SUFU: variants seen among roughly 807,000 people sequenced by gnomAD.
SUFU encodes the protein SUFU negative regulator of hedgehog signaling.
Under a neutral mutation model 58.9 loss-of-function variants are expected in SUFU, and 7 were observed. That is an observed-to-expected ratio of 0.12 (90% CI 0.07 to 0.22). SUFU has a LOEUF of 0.22. Among genes scored for constraint, SUFU ranks in the 10% least tolerant of loss-of-function variants. SUFU has a pLI of 1.00. For synonymous variants in SUFU, 232 were observed against 254.8 expected, an observed-to-expected ratio of 0.91 and a Z score of 0.85; for missense variants, 451 against 641.3, an observed-to-expected ratio of 0.70 and a Z score of 3.20.
chr10:102,558,925 C>T (rs1214042627), intron 3 of SUFU, among the ~76,000 whole-genome samples: 2 of 152,194 alleles, frequency 1.3e-5, no homozygotes, highest in Non-Finnish European at 2.9e-5. Flanking sequence ...AGTGGCCTAA[C>T]AATAAGGGCA....
chr10:102,538,795 A>G (rs1332416412), intron 2 of SUFU, among the ~76,000 whole-genome samples: 2 of 152,174 alleles, frequency 1.3e-5, no homozygotes, highest in Non-Finnish European at 2.9e-5. Context: ...ATAAGAAGAG[A>G]AGTAAACTCT....
At chr10:102,585,379 C>G (rs2063325971) in intron 3 of SUFU, among the ~76,000 whole-genome samples, 1 of 152,102 alleles carries the variant, frequency 6.6e-6, no homozygotes, top group Non-Finnish European at 1.5e-5. Flanking sequence ...CTTTAAGGTT[C>G]ATGTTATAGT....
chr10:102,568,874 CAAAAAAAAAAAA>C (rs59877393), intron 3 of SUFU, among the ~76,000 whole-genome samples: 2 of 14,542 alleles, frequency 1.4e-4, no homozygotes, highest in South Asian at 6.3e-3. Context: ...AACTCTGTCT[CAAAAAAAAAAAA>C]AAAAAAAAAA....
At chr10:102,527,496 A>AAGAT (rs1554843736) in intron 2 of SUFU, among the ~76,000 whole-genome samples, 1 of 92,088 alleles carries the variant, frequency 1.1e-5, no homozygotes, top group Non-Finnish European at 2.5e-5. Flanking sequence ...AAATACCATT[A>AAGAT]AGATATATAT....
chr10:102,535,748 A>G (rs1338702649), intron 2 of SUFU, among the ~76,000 whole-genome samples: 1 of 152,086 alleles, frequency 6.6e-6, no homozygotes, highest in Non-Finnish European at 1.5e-5. Flanking sequence ...TCAAAGACCA[A>G]TGGAAGCATC....
chr10:102,598,867 CTT>C (rs1177284273), intron 7 of SUFU, among the ~76,000 whole-genome samples: 1 of 152,216 alleles, frequency 6.6e-6, no homozygotes, highest in African/African-American at 2.4e-5. Context: ...CAAGGGAACT[CTT>C]TCACTTCCTG....
chr10:102,539,252 G>T (rs962622852), intron 2 of SUFU, among the ~76,000 whole-genome samples: 1 of 152,162 alleles, frequency 6.6e-6, no homozygotes, highest in Non-Finnish European at 1.5e-5. Flanking sequence ...AAGAGTACAG[G>T]TCAGTTATTT....
At chr10:102,503,172 C>G (rs991535386), upstream of SUFU, among the ~76,000 whole-genome samples, 1 of 152,170 alleles carries the variant, frequency 6.6e-6, no homozygotes, top group Non-Finnish European at 1.5e-5. Context: ...CACACTCTAA[C>G]AAAAAGGAAA....
intron 2 of SUFU, among the ~76,000 whole-genome samples, chr10:102,539,039 C>A (rs536498132): frequency 2.6e-5 from 4 of 152,300 alleles, no homozygotes; most frequent in Middle Eastern, 3.4e-3. Flanking sequence ...ACTTCAGGAT[C>A]GGTTGACCAA....
At position 102,630,445 on chromosome 10, in the gene SUFU, A is replaced by G; in HGVS notation, c.*290A>G. The G allele has an allele frequency of 2.0e-6, 1 of 495,080 alleles. No homozygotes were observed. Among genetic ancestry groups the G allele is most frequent in the South Asian group, 2.0e-5 (1 of 49,334 alleles). The allele number at this position is 495,080 out of a possible 1,614,324, so 30.7% of individuals were successfully genotyped here. A position where few individuals can be genotyped will look rare whatever the true frequency, so the allele number is the denominator to read the frequency against. On this transcript the variant is annotated 3_prime_UTR_variant, in exon 12 of 12. Transcript: ENST00000369902. ...TGCAGCCTGCACAGATTCTGGTTTG[A>G]GGTTTGACTCTGGACCCTGGCTGTG...
intron 3 of SUFU, among the ~76,000 whole-genome samples, chr10:102,552,792 T>C (rs563362512): frequency 1.4e-4 from 22 of 152,294 alleles, no homozygotes; most frequent in African/African-American, 5.3e-4. Context: ...AACTTAATTG[T>C]CAAAAAATAA....
At position 102,625,476 on chromosome 10, in the gene SUFU, C is replaced by T. The variant is rs76903844; in HGVS notation, c.1297-1699C>T. Among the ~76,000 whole-genome samples, 12 of 152,238 alleles carry T rather than the reference C, an allele frequency of 7.9e-5. No homozygotes were observed. The East Asian group carries it at 2.3e-3, about 29-fold the overall frequency. ...TCTCCTTGCCAGCCAAAAGAGGGTG[C>T]TTGTCCTGGTGGGAAATGAGCTGCC... On this transcript the variant is annotated intron_variant, in intron 10 of 11. Transcript: ENST00000369902. The surrounding 1 kb of genome is among the most constrained non-coding windows in gnomAD (Gnocchi z 4.7).
At chr10:102,552,043 T>C (rs748650374) in intron 3 of SUFU, among the ~76,000 whole-genome samples, 4 of 152,092 alleles carry the variant, frequency 2.6e-5, no homozygotes, top group Non-Finnish European at 5.9e-5. Context: ...TACCTTCTTA[T>C]GTGTTGCAGT....
At chr10:102,616,175 G>T (rs1336465735) in intron 9 of SUFU, among the ~76,000 whole-genome samples, 1 of 152,192 alleles carries the variant, frequency 6.6e-6, no homozygotes, top group Admixed American at 6.5e-5. Context: ...TGTCCCTTCT[G>T]CTTCTGTCCA....
At chr10:102,607,831 A>ATTCTCC (rs1456721446) in intron 8 of SUFU, among the ~76,000 whole-genome samples, 1 of 152,074 alleles carries the variant, frequency 6.6e-6, no homozygotes, top group Non-Finnish European at 1.5e-5. Context: ...GAATCGCTTG[A>ATTCTCC]ACCCAGGAGG....
chr10:102,549,861 G>A (rs2062893708), intron 2 of SUFU, 109 bp from the exon 3 acceptor site: 5 of 1,408,360 alleles, frequency 3.6e-6, no homozygotes, highest in East Asian at 2.3e-5. Context: ...TCTGAATGGA[G>A]GATTTGGATA....
At position 102,619,097 on chromosome 10, in the gene SUFU, C is replaced by T. The variant is rs376691687; in HGVS notation, c.1296+1669C>T. The T allele has an allele frequency of 1.2e-5, 19 of 1,612,700 alleles. No homozygotes were observed. Among genetic ancestry groups the T allele is most frequent in the East Asian group, 2.2e-5 (1 of 44,892 alleles). On this transcript the variant is annotated intron_variant, in intron 10 of 11. Coordinates refer to ENST00000369902, the MANE Select transcript of SUFU (RefSeq NM_016169.4). This position sits in a 1 kb window ranked among gnomAD's most constrained non-coding sequence, Gnocchi z 4.2. ...ACCTATCCTCGGAGCTCTGCCCTCCCGTCCTGGAACGTCTTTCTGCCCTGA... is the reference window on the plus strand; with the variant it reads ...ACCTATCCTCGGAGCTCTGCCCTCCTGTCCTGGAACGTCTTTCTGCCCTGA...
chr10:102,510,673 A>T (rs2062390135), intron 2 of SUFU, among the ~76,000 whole-genome samples: 3 of 151,924 alleles, frequency 2.0e-5, no homozygotes, highest in Non-Finnish European at 4.4e-5. Context: ...AATACAAAAA[A>T]TTAGCCAGGC....
intron 10 of SUFU, among the ~76,000 whole-genome samples, chr10:102,618,889 C>T (rs778709406): frequency 1.5e-4 from 22 of 150,310 alleles, no homozygotes; most frequent in Non-Finnish European, 2.8e-4. Flanking sequence ...GGACAAGCCC[C>T]TGAGAGTTCA....
Sources: allele counts gnomAD v4.1 joint callset (sites outside exome capture counted in the v4.1 genomes callset), GRCh38; gene constraint gnomAD v4.1.1; non-coding constraint Gnocchi (gnomAD v3.1); transcripts MANE v1.5; gene names NCBI Gene and HGNC (gene_info 2026-07-23, HGNC 2026-07-21).